The following VPS54 variants were observed in gnomAD, a reference collection of about 807,000 sequenced individuals.
The protein encoded by VPS54 is vacuolar protein sorting-associated protein 54.
A neutral mutation model predicts 121.5 loss-of-function variants in VPS54; 45 were observed. The ratio of observed to expected loss-of-function variants is 0.37; its 90% CI spans 0.29 to 0.47. The LOEUF (loss-of-function observed/expected upper bound fraction) is 0.47, where lower values mean the gene tolerates loss of function less well. Ranked by LOEUF, VPS54 falls within the 20% of genes least tolerant of loss-of-function variation. VPS54 has a pLI of 0.99. For synonymous variants in VPS54, 371 were observed against 385.8 expected (o/e 0.96, Z 0.45); for missense variants, 1,090 against 1,131.4 (o/e 0.96, Z 0.52).
rs187385779 is a variant in VPS54 at position 63,921,321 on chromosome 2, A to G, written c.1754T>C (p.Met585Thr). ...GGVDIMVSED[M>T]KLTDSELGKL... ...TCCTAGCTCTGAGTCAGTTAATTTCATATCTTCACTGACCCTGAAAATAAC... is the reference window on the plus strand; with the variant it reads ...TCCTAGCTCTGAGTCAGTTAATTTCGTATCTTCACTGACCCTGAAAATAAC... The change falls in exon 13 of 23, where the codon ATG becomes ACG. Residue 585 changes from methionine to threonine, a missense_variant. Physicochemically the swap from Met to Thr is moderately conservative, Grantham distance 81. Around this residue, in one of 2 missense-constraint regions of VPS54, gnomAD observed 801 missense variants for 757.0 expected, o/e 1.06. Coordinates refer to ENST00000272322, the MANE Select transcript of VPS54 (RefSeq NM_016516.3). 22 of 1,612,440 alleles carry G rather than the reference A, an allele frequency of 1.4e-5. No individual in the cohort carries two copies. The Admixed American group carries it at 1.5e-4, about 11-fold the overall frequency.
rs114331625 is a variant in VPS54 at position 63,893,243 on chromosome 2, A to G, written c.*187T>C. On this transcript the variant is annotated 3_prime_UTR_variant, in exon 23 of 23. Transcript: ENST00000272322. ...AGTTACTCCTCACTGTAGGATGCACAAAAATGACATTCCTTGTAGATCCCA... is the reference window on the plus strand; with the variant it reads ...AGTTACTCCTCACTGTAGGATGCACGAAAATGACATTCCTTGTAGATCCCA... The G allele has an allele frequency of 6.0e-4, 410 of 686,170 alleles. 1 individual carries two copies. The African/African-American group carries it at 6.5e-3, about 11-fold the overall frequency. 42.5% of individuals were successfully genotyped at this position (686,170 alleles called of 1,614,324 possible).
rs1014777651 is a variant in VPS54 at position 63,933,603 on chromosome 2, T to C, written c.1739+70A>G. 10 of 1,364,220 alleles carry C rather than the reference T, an allele frequency of 7.3e-6. No homozygotes were observed. In the African/African-American group the frequency reaches 1.3e-4, roughly 18 times the overall value. The allele number at this position is 1,364,220 out of a possible 1,614,324, so 84.5% of individuals were successfully genotyped here. On this transcript the variant is annotated intron_variant, in intron 12 of 22. Coordinates refer to ENST00000272322, the MANE Select transcript of VPS54 (RefSeq NM_016516.3). ...CATGGTTTTTCAATAAACTGAATAA[T>C]CAATCTTACTGAATCCATTAATAAG...
chr2:63,929,594 C>T (rs1674085091), intron 12 of VPS54, among the ~76,000 whole-genome samples: 1 of 151,188 alleles, frequency 6.6e-6, no homozygotes, highest in Non-Finnish European at 1.5e-5. Context: ...CCTAACATCA[C>T]AATTAAAAGA....
chr2:63,925,369 T>G (rs2104462382), intron 12 of VPS54, among the ~76,000 whole-genome samples: 1 of 152,324 alleles, frequency 6.6e-6, no homozygotes, highest in South Asian at 2.1e-4. Context: ...TGTAAAAGAC[T>G]GGCAATATTA....
intron 1 of VPS54, among the ~76,000 whole-genome samples, chr2:63,984,626 AAAAT>A (rs142030705): frequency 0.16 from 24,104 of 152,194 alleles, 2,427 homozygotes; most frequent in Middle Eastern, 0.25. Flanking sequence ...TAATGATTAA[AAAAT>A]AAATAGTAAT....
intron 2 of VPS54, among the ~76,000 whole-genome samples, chr2:63,983,026 G>A (rs1446736147): frequency 6.6e-6 from 1 of 152,058 alleles, no homozygotes; most frequent in East Asian, 1.9e-4. Context: ...GATGAGGGCT[G>A]ACTGTACCAT....
intron 2 of VPS54, among the ~76,000 whole-genome samples, chr2:63,983,472 T>TCCCG (rs1676893170): frequency 7.6e-6 from 1 of 130,786 alleles, no homozygotes. Flanking sequence ...TGAGATGGAG[T>TCCCG]CTGTCTGTCA....
intron 1 of VPS54, among the ~76,000 whole-genome samples, chr2:63,993,742 T>A (rs1217157739): frequency 1.3e-5 from 2 of 152,238 alleles, no homozygotes. Context: ...AATTGTTTGA[T>A]TTTATAAAAA....
At chr2:63,915,572 C>G (rs1346986582) in intron 16 of VPS54, among the ~76,000 whole-genome samples, 2 of 152,212 alleles carry the variant, frequency 1.3e-5, no homozygotes, top group Non-Finnish European at 2.9e-5. Flanking sequence ...AACAGACTCT[C>G]TGCCTAAAGA....
At chr2:63,984,156 A>G in intron 1 of VPS54, 137 bp from the exon 2 acceptor site, 1 of 694,254 alleles carries the variant, frequency 1.4e-6, no homozygotes, top group East Asian at 3.0e-5. Flanking sequence ...TTTGCTCTTA[A>G]TTGGGAAAAT....
At chr2:64,007,593 C>A (rs868377478) in intron 1 of VPS54, among the ~76,000 whole-genome samples, 1 of 152,254 alleles carries the variant, frequency 6.6e-6, no homozygotes, top group African/African-American at 2.4e-5. Flanking sequence ...TTGTAGTGAA[C>A]AGAATCCTGC....
chr2:64,016,662 G>A (rs888701390), intron 1 of VPS54, among the ~76,000 whole-genome samples: 2 of 148,380 alleles, frequency 1.3e-5, no homozygotes, highest in Non-Finnish European at 3.0e-5. Flanking sequence ...AGCCTGTAGT[G>A]CAGTGGTGCT....
At chr2:63,934,112 T>G (rs758148690) in intron 11 of VPS54, 99 bp from the exon 12 acceptor site, 19 of 1,041,964 alleles carry the variant, frequency 1.8e-5, no homozygotes, top group Non-Finnish European at 2.3e-5. Flanking sequence ...ACATCTATAA[T>G]CATAAATGAG....
chr2:63,962,549 C>T, intron 6 of VPS54, 106 bp from the exon 7 acceptor site: 1 of 1,330,940 alleles, frequency 7.5e-7, no homozygotes, highest in Non-Finnish European at 1.0e-6. Context: ...ACTTTAAATT[C>T]CATTGTGTGA....
At chr2:64,012,399 TCTC>T (rs955426345) in intron 1 of VPS54, among the ~76,000 whole-genome samples, 6 of 144,146 alleles carry the variant, frequency 4.2e-5, no homozygotes, top group Admixed American at 2.9e-4. Flanking sequence ...TTTTCATCAC[TCTC>T]CTCAAGTCCC....
intron 12 of VPS54, among the ~76,000 whole-genome samples, chr2:63,929,779 TAAG>T (rs138773098): frequency 0.13 from 19,688 of 148,478 alleles, 1,398 homozygotes; most frequent in Middle Eastern, 0.2. Flanking sequence ...GCAAGACTAA[TAAG>T]AAGAGAAAGA....
intron 4 of VPS54, among the ~76,000 whole-genome samples, chr2:63,970,240 C>T (rs1329175109): frequency 2.2e-5 from 1 of 44,582 alleles, no homozygotes; most frequent in Non-Finnish European, 5.1e-5. Flanking sequence ...CACACACATT[C>T]TAATATATAT....
rs772909002 is a variant in VPS54 at position 63,904,492 on chromosome 2, A to AAC, written c.2626-4913_2626-4912dup. Among the ~76,000 whole-genome samples the AAC allele has an allele frequency of 1.6e-4, 24 of 151,680 alleles. 1 individual carries two copies. Among genetic ancestry groups the AAC allele is most frequent in the Non-Finnish European group, 3.2e-4 (22 of 67,916 alleles). ...GAGATCACAAAATAAATATTAAGAA[A>AAC]ACATAGTAATCCTAAATGTGCATGT... On this transcript the variant is annotated intron_variant, in intron 20 of 22. Coordinates refer to ENST00000272322, the MANE Select transcript of VPS54 (RefSeq NM_016516.3).
At chr2:63,915,186 G>A (rs903522919) in intron 16 of VPS54, among the ~76,000 whole-genome samples, 10 of 132,920 alleles carry the variant, frequency 7.5e-5, no homozygotes, top group South Asian at 2.5e-4. Flanking sequence ...AAAGTTTTCC[G>A]AAGATGATAA....
Sources: allele counts gnomAD v4.1 joint callset (sites outside exome capture counted in the v4.1 genomes callset), GRCh38; gene constraint gnomAD v4.1.1; regional missense constraint gnomAD v4.1.1; transcripts MANE v1.5; gene names NCBI Gene and HGNC (gene_info 2026-07-23, HGNC 2026-07-21).